CCDC12: variants seen among roughly 807,000 people sequenced by gnomAD.
CCDC12 encodes the protein coiled-coil domain-containing protein 12.
A neutral mutation model predicts 25.7 loss-of-function variants in CCDC12; 28 were observed. That is an observed-to-expected ratio of 1.09 (90% CI 0.81 to 1.50). CCDC12 has a LOEUF of 1.50. Ranked by LOEUF, CCDC12 falls within the 40% of genes most tolerant of loss-of-function variation. The pLI is 0.00. For missense variants in CCDC12, 198 were observed against 210.0 expected (o/e 0.94, Z 0.35); for synonymous variants, 75 against 87.7 (o/e 0.86, Z 0.81).
intron 5 of CCDC12, 38 bp from the exon 6 acceptor site, chr3:46,922,350 G>C: frequency 6.2e-7 from 1 of 1,611,444 alleles, no homozygotes. Context: ...GAAGGTGAAG[G>C]CTGGCCTGAT....
chr3:46,957,317 G>A (rs190807189), intron 1 of CCDC12, among the ~76,000 whole-genome samples: 18 of 152,310 alleles, frequency 1.2e-4, no homozygotes, highest in African/African-American at 4.3e-4. Flanking sequence ...GAAGGCAGTA[G>A]CAGTTTCCTC....
Sources: allele counts gnomAD v4.1 joint callset (sites outside exome capture counted in the v4.1 genomes callset), GRCh38; gene constraint gnomAD v4.1.1; transcripts MANE v1.5; gene names NCBI Gene and HGNC (gene_info 2026-07-23, HGNC 2026-07-21).